CCDC60: variants seen among roughly 807,000 people sequenced by gnomAD.
CCDC60 encodes the protein coiled-coil domain containing 60.
Under a neutral mutation model 63.5 loss-of-function variants are expected in CCDC60, and 54 were observed. That is an observed-to-expected ratio of 0.85 (90% confidence interval 0.68 to 1.07). The LOEUF (loss-of-function observed/expected upper bound fraction) is 1.07, where lower values mean the gene tolerates loss of function less well. CCDC60 is among the 50% of genes least tolerant of loss of function. The pLI is 0.00. For missense variants in CCDC60, 651 were observed against 684.3 expected (o/e 0.95, Z 0.54); for synonymous variants, 206 against 238.8 (o/e 0.86, Z 1.27).
chr12:119,458,963 G>T (rs761601127), intron 2 of CCDC60, among the ~76,000 whole-genome samples: 22 of 152,066 alleles, frequency 1.4e-4, no homozygotes, highest in African/African-American at 5.3e-4. Flanking sequence ...GGTCAGTCTG[G>T]TCTCGAATTC....
At chr12:119,402,733 C>T (rs111495409) in intron 1 of CCDC60, among the ~76,000 whole-genome samples, 5 of 152,244 alleles carry the variant, frequency 3.3e-5, no homozygotes, top group African/African-American at 1.2e-4. Flanking sequence ...GGTAATCTCT[C>T]AACGCTGATG....
At chr12:119,518,178 C>T (rs1254972647) in intron 8 of CCDC60, among the ~76,000 whole-genome samples, 1 of 152,144 alleles carries the variant, frequency 6.6e-6, no homozygotes, top group Non-Finnish European at 1.5e-5. Flanking sequence ...AATGCTGACC[C>T]ATAAGGCCCC....
intron 2 of CCDC60, among the ~76,000 whole-genome samples, chr12:119,449,491 A>G (rs1950593961): frequency 6.6e-6 from 1 of 152,216 alleles, no homozygotes; most frequent in Non-Finnish European, 1.5e-5. Context: ...TGCTCCATCC[A>G]AAGAAAATGC....
intron 1 of CCDC60, among the ~76,000 whole-genome samples, chr12:119,413,424 G>C (rs1956641916): frequency 6.6e-6 from 1 of 152,164 alleles, no homozygotes; most frequent in African/African-American, 2.4e-5. Flanking sequence ...TGACAGTCTT[G>C]CTCGGCCCTT....
At chr12:119,535,807 C>T (rs1453773830) in intron 13 of CCDC60, among the ~76,000 whole-genome samples, 4 of 152,186 alleles carry the variant, frequency 2.6e-5, no homozygotes, top group Non-Finnish European at 5.9e-5. Context: ...TGCTCTTTTA[C>T]ATTTGCTGAG....
At chr12:119,416,695 A>C (rs1208030317) in intron 1 of CCDC60, among the ~76,000 whole-genome samples, 1 of 152,222 alleles carries the variant, frequency 6.6e-6, no homozygotes, top group African/African-American at 2.4e-5. Context: ...GGACTGAAGA[A>C]CAGATAAATT....
chr12:119,510,249 G>A (rs1416693544), intron 7 of CCDC60, among the ~76,000 whole-genome samples: 1 of 152,116 alleles, frequency 6.6e-6, no homozygotes, highest in African/African-American at 2.4e-5. Context: ...CTTGCCCCAG[G>A]CTGCCCAGGT....
At chr12:119,392,751 CAT>C (rs1005117396) in intron 1 of CCDC60, among the ~76,000 whole-genome samples, 2 of 152,220 alleles carry the variant, frequency 1.3e-5, no homozygotes, top group Non-Finnish European at 2.9e-5. Flanking sequence ...GTATGAACCA[CAT>C]GTTTGTACAA....
At chr12:119,345,661 A>G (rs1955584443) in intron 1 of CCDC60, among the ~76,000 whole-genome samples, 1 of 152,154 alleles carries the variant, frequency 6.6e-6, no homozygotes, top group African/African-American at 2.4e-5. Context: ...CTCCCCTCAA[A>G]CAGCCAAATC....
chr12:119,497,466 G>A (rs1566043198), intron 5 of CCDC60, among the ~76,000 whole-genome samples: 1 of 152,192 alleles, frequency 6.6e-6, no homozygotes, highest in Non-Finnish European at 1.5e-5. Flanking sequence ...GCTTTTTAAG[G>A]TCTGTGGGAA....
chr12:119,536,798 T>C (rs1441872618), intron 13 of CCDC60, among the ~76,000 whole-genome samples: 5 of 152,230 alleles, frequency 3.3e-5, no homozygotes, highest in Admixed American at 6.5e-5. Flanking sequence ...GTTAGTCTGA[T>C]GGGCTTCCTT....
At chr12:119,501,602 G>T (rs1951854042) in intron 6 of CCDC60, among the ~76,000 whole-genome samples, 1 of 152,048 alleles carries the variant, frequency 6.6e-6, no homozygotes, top group Non-Finnish European at 1.5e-5. Flanking sequence ...TTTCATCAGG[G>T]TGCTCCTAGA....
intron 2 of CCDC60, among the ~76,000 whole-genome samples, chr12:119,451,681 A>G (rs1056954844): frequency 2.6e-5 from 4 of 152,176 alleles, no homozygotes; most frequent in African/African-American, 9.7e-5. Context: ...CAATTTTTGT[A>G]TCTTTCCTCA....
intron 4 of CCDC60, 36 bp downstream of exon 4, chr12:119,479,237 A>G (rs1190647549): frequency 6.7e-7 from 1 of 1,487,948 alleles, no homozygotes; most frequent in African/African-American, 1.4e-5. Context: ...TTGCTTTGCT[A>G]GCTTATAAAT....
intron 2 of CCDC60, among the ~76,000 whole-genome samples, chr12:119,453,495 A>G (rs887207650): frequency 6.6e-6 from 1 of 152,242 alleles, no homozygotes; most frequent in Non-Finnish European, 1.5e-5. Flanking sequence ...CATGATAACC[A>G]AGCATTTTTC....
At chr12:119,382,311 A>G (rs557908042) in intron 1 of CCDC60, among the ~76,000 whole-genome samples, 5 of 152,338 alleles carry the variant, frequency 3.3e-5, no homozygotes, top group African/African-American at 1.2e-4. Context: ...CATTCAGCAG[A>G]CTTGGCCTGA....
At chr12:119,506,476 G>A (rs1461616208) in intron 7 of CCDC60, among the ~76,000 whole-genome samples, 3 of 151,178 alleles carry the variant, frequency 2.0e-5, no homozygotes, top group Non-Finnish European at 2.9e-5. Context: ...AGCCATGCAT[G>A]GTGGTGTGTG....
chr12:119,461,779 C>T (rs768708780), intron 2 of CCDC60, among the ~76,000 whole-genome samples: 5 of 152,146 alleles, frequency 3.3e-5, no homozygotes, highest in African/African-American at 4.8e-5. Flanking sequence ...GATTTAAAGG[C>T]GAAAACTGCT....
At position 119,523,825 on chromosome 12, in the gene CCDC60, G is replaced by A. The variant is rs184231961; in HGVS notation, c.1229+7G>A. The A allele has an allele frequency of 1.3e-4, 202 of 1,613,694 alleles. No individual in the cohort carries two copies. In the African/African-American group the frequency reaches 1.5e-3, roughly 12 times the overall value. ...AGATGGAAATCCTCATGAAGTAAGC[G>A]CACATATATATCCATTCATTCAAAC... On this transcript the variant is annotated splice_region_variant and intron_variant, in intron 11 of 13. Coordinates refer to ENST00000327554, the MANE Select transcript of CCDC60 (RefSeq NM_178499.5).
Sources: gnomAD v4.1 joint callset for allele counts (sites outside exome capture counted in the v4.1 genomes callset) on GRCh38, gnomAD v4.1.1 for gene constraint, MANE v1.5 for transcripts, NCBI Gene and HGNC (gene_info 2026-07-23, HGNC 2026-07-21) for gene names.